ZNF292: variants seen among roughly 807,000 people sequenced by gnomAD.
ZNF292 encodes the protein 16 zinc-finger domain protein.
In ZNF292, 26 loss-of-function variants were observed where a neutral mutation model predicts 217.9. The ratio of observed to expected loss-of-function variants is 0.12; its 90% CI spans 0.09 to 0.17. The LOEUF (loss-of-function observed/expected upper bound fraction) is 0.17. Among genes scored for constraint, ZNF292 ranks in the 10% least tolerant of loss-of-function variants. ZNF292 has a pLI of 1.00. For synonymous variants in ZNF292, 1,257 were observed against 1,124.1 expected (o/e 1.12, Z -2.37); for missense variants, 2,904 against 3,175.2 (o/e 0.91, Z 2.05).
At chr6:87,164,351 T>C (rs1344078683) in intron 1 of ZNF292, among the ~76,000 whole-genome samples, 1 of 152,200 alleles carries the variant, frequency 6.6e-6, no homozygotes, top group Non-Finnish European at 1.5e-5. Context: ...TTTCCACACA[T>C]GCTTTACTTT....
chr6:87,181,828 C>T (rs1162475526), intron 1 of ZNF292, among the ~76,000 whole-genome samples: 1 of 151,968 alleles, frequency 6.6e-6, no homozygotes, highest in Non-Finnish European at 1.5e-5. Context: ...ATTACAGGCA[C>T]GCACCACCAC....
intron 1 of ZNF292, 75 bp from the exon 2 acceptor site, chr6:87,215,828 G>C: frequency 8.1e-7 from 1 of 1,237,482 alleles, no homozygotes; most frequent in Non-Finnish European, 1.1e-6. Flanking sequence ...AAATTTTTCA[G>C]GAAAAAACAG....
At chr6:87,227,591 C>G (rs1562155550) in intron 4 of ZNF292, among the ~76,000 whole-genome samples, 1 of 152,102 alleles carries the variant, frequency 6.6e-6, no homozygotes, top group Non-Finnish European at 1.5e-5. Flanking sequence ...AACAACAACT[C>G]CCCTTTTCCC....
intron 7 of ZNF292, among the ~76,000 whole-genome samples, chr6:87,249,008 T>C (rs968300649): frequency 9.9e-5 from 15 of 152,216 alleles, no homozygotes; most frequent in Admixed American, 4.6e-4. Context: ...AATAGTTCTG[T>C]TGGGTAACAC....
In ZNF292 at chr6:87,256,162, C is replaced by T. The variant is rs999718686; in HGVS notation, c.2533C>T (p.Leu845Phe). The T allele has an allele frequency of 1.9e-6, 3 of 1,613,714 alleles. No homozygotes were observed. Among genetic ancestry groups the T allele is most frequent in the Admixed American group, 3.3e-5 (2 of 59,936 alleles). The change falls in exon 8 of 8, where the codon CTT becomes TTT. Residue 845 changes from leucine to phenylalanine, a missense_variant. Leu to Phe is a conservative substitution (Grantham distance 22). Transcript: ENST00000369577. Reference sequence around the variant, plus strand: ...AAAAGTGCTGCCTCCTGAAGCCCAACTTAATTCATCTGGAGATTCCATTCA... The same window carrying T: ...AAAAGTGCTGCCTCCTGAAGCCCAATTTAATTCATCTGGAGATTCCATTCA... ...PEKVLPPEAQ[L>F]NSSGDSIQPS...
chr6:87,186,543 A>C (rs2127780711), intron 1 of ZNF292, among the ~76,000 whole-genome samples: 1 of 152,360 alleles, frequency 6.6e-6, no homozygotes, highest in East Asian at 1.9e-4. Context: ...ATGATACTGT[A>C]TGGATGTGCC....
Position 87,249,930 on chromosome 6 carries a change from G to A in ZNF292, c.1020+4286G>A, listed in dbSNP as rs959061052. 8.1e-5 allele frequency among the ~76,000 whole-genome samples: 12 copies of A among 149,050 alleles called. No homozygotes were observed. The East Asian group carries it at 1.0e-3, about 12-fold the overall frequency. The stretch of plus-strand genomic sequence containing the variant: ...TTACTATGTTTGCCAGGCTGGTCTC[G>A]AACTCCTGACCTCAGATGATCTGCC... On this transcript the variant is annotated intron_variant, in intron 7 of 7. Transcript: ENST00000369577.
At chr6:87,218,752 GAAA>G in intron 4 of ZNF292, 21 bp downstream of exon 4, 2 of 1,543,956 alleles carry the variant, frequency 1.3e-6, no homozygotes, top group Non-Finnish European at 8.7e-7. Flanking sequence ...GAGAGACAGA[GAAA>G]AAAAAGAATA....
chr6:87,166,594 A>C (rs1430672156), intron 1 of ZNF292, among the ~76,000 whole-genome samples: 1 of 152,088 alleles, frequency 6.6e-6, no homozygotes, highest in African/African-American at 2.4e-5. Flanking sequence ...TTCCAAGTAT[A>C]CCCTTCTCTG....
chr6:87,216,223 A>T lies in ZNF292; in HGVS notation c.324-76A>T, dbSNP rs183515901. On this transcript the variant is annotated intron_variant, in intron 2 of 7. Transcript: ENST00000369577. ...TAGTTATGGGGAGTCTGCTTATGAT[A>T]CTAGAATTACTGGTTTTATAATTTC... 4.3e-6 allele frequency: 6 copies of T among 1,385,874 alleles called. No individual in the cohort carries two copies. The African/African-American group carries it at 7.2e-5, about 17-fold the overall frequency. 85.8% of individuals were successfully genotyped at this position (1,385,874 alleles called of 1,614,324 possible).
At chr6:87,165,830 C>G (rs1298417265) in intron 1 of ZNF292, among the ~76,000 whole-genome samples, 4 of 149,288 alleles carry the variant, frequency 2.7e-5, no homozygotes, top group African/African-American at 9.9e-5. Flanking sequence ...GTGATCTCAG[C>G]TCACTGCAAC....
At chr6:87,195,524 AATG>A (rs1363791174) in intron 1 of ZNF292, among the ~76,000 whole-genome samples, 3 of 152,224 alleles carry the variant, frequency 2.0e-5, no homozygotes, top group Admixed American at 2.0e-4. Flanking sequence ...GTGTTGCAGA[AATG>A]ATGAGAGCTG....
At chr6:87,201,810 A>G (rs1330370930) in intron 1 of ZNF292, among the ~76,000 whole-genome samples, 2 of 152,096 alleles carry the variant, frequency 1.3e-5, no homozygotes, top group African/African-American at 2.4e-5. Context: ...TTCCTGTTTA[A>G]ATGGTTGTTT....
Position 87,261,933 on chromosome 6 carries a change from AG to A in ZNF292, c.*133del, listed in dbSNP as rs1287728098. On this transcript the variant is annotated 3_prime_UTR_variant, in exon 8 of 8. Transcript: ENST00000369577. Reference sequence around the variant, plus strand: ...GAATTAACCTGGCCAAAAACAAAAAAGAAAAAAAAAACATGACATTTGTCAT... The same window carrying A: ...GAATTAACCTGGCCAAAAACAAAAAAAAAAAAAAAACATGACATTTGTCAT... The A allele has an allele frequency of 2.0e-5, 13 of 657,872 alleles. No homozygotes were observed. The highest frequency in any genetic ancestry group is 8.3e-5 in the Admixed American group (2 of 23,962). 40.8% of individuals were successfully genotyped at this position (657,872 alleles called of 1,614,324 possible).
At chr6:87,190,331 A>G (rs1336744771) in intron 1 of ZNF292, among the ~76,000 whole-genome samples, 1 of 152,234 alleles carries the variant, frequency 6.6e-6, no homozygotes. Context: ...AGAAGTGAAT[A>G]TTGTTAAGAA....
chr6:87,258,972 T>C lies in ZNF292; in HGVS notation c.5343T>C (p.Gly1781=). ...LEVKSGSQGA[G]ETSQNAQINY... ...TAAAAAGTGGATCTCAGGGTGCTGG[T>C]GAAACTTCACAAAATGCTCAAATAA... is the stretch of plus-strand genomic sequence containing the variant. The change falls in exon 8 of 8, where the codon GGT becomes GGC. Residue 1781 remains glycine, a synonymous_variant. Coordinates refer to ENST00000369577, the MANE Select transcript of ZNF292 (RefSeq NM_015021.3). 2 of 1,613,352 alleles carry C rather than the reference T, an allele frequency of 1.2e-6. No individual in the cohort carries two copies. Among genetic ancestry groups the C allele is most frequent in the Non-Finnish European group, 1.7e-6 (2 of 1,179,584 alleles).
chr6:87,253,852 A>C (rs78498289), intron 7 of ZNF292, among the ~76,000 whole-genome samples: 3,418 of 152,214 alleles, frequency 0.022, 121 homozygotes, highest in African/African-American at 0.078. Flanking sequence ...TTTCTCATTT[A>C]TCATTGTTCC....
chr6:87,222,253 T>C (rs1773119256), intron 4 of ZNF292, among the ~76,000 whole-genome samples: 1 of 152,172 alleles, frequency 6.6e-6, no homozygotes, highest in Non-Finnish European at 1.5e-5. Flanking sequence ...AAAAAGGTCA[T>C]GTCCAGAAAT....
chr6:87,240,289 A>C (rs1774207166), intron 5 of ZNF292, among the ~76,000 whole-genome samples: 1 of 141,518 alleles, frequency 7.1e-6, no homozygotes, highest in East Asian at 2.4e-4. Context: ...TGCAGTGAGC[A>C]GAGATGGTGG....
Sources: gnomAD v4.1 joint callset for allele counts (sites outside exome capture counted in the v4.1 genomes callset) on GRCh38, gnomAD v4.1.1 for gene constraint, MANE v1.5 for transcripts, NCBI Gene and HGNC (gene_info 2026-07-23, HGNC 2026-07-21) for gene names.